MTMR3: variants seen among roughly 807,000 people sequenced by gnomAD.
The protein encoded by MTMR3 is myotubularin related protein 3, also known as phosphatidylinositol-3,5-bisphosphate 3-phosphatase MTMR3.
A neutral mutation model predicts 132.4 loss-of-function variants in MTMR3; 32 were observed. The observed-to-expected ratio is 0.24, with a 90% CI of 0.18 to 0.32. The LOEUF (loss-of-function observed/expected upper bound fraction) is 0.32, where lower values mean the gene tolerates loss of function less well. Among genes scored for constraint, MTMR3 ranks in the 10% least tolerant of loss-of-function variants. The pLI is 1.00. For missense variants in MTMR3, 1,216 were observed against 1,489.6 expected, an observed-to-expected ratio of 0.82 and a Z score of 3.02; for synonymous variants, 556 against 550.3, an observed-to-expected ratio of 1.01 and a Z score of -0.14.
chr22:29,920,194 A>G (rs2065382872), intron 1 of MTMR3, among the ~76,000 whole-genome samples: 1 of 150,762 alleles, frequency 6.6e-6, no homozygotes, highest in African/African-American at 2.4e-5. Flanking sequence ...AGCCTGGGCG[A>G]CAGAGCAAGA....
In MTMR3 at chr22:29,888,550, T is replaced by C. The variant is rs2064724447; in HGVS notation, c.-138+5191T>C. On this transcript the variant is annotated intron_variant, in intron 1 of 19. Transcript: ENST00000401950. ...AATACCTCATAGCTATGTTCTGAAC[T>C]GTTGATTTAATGAACAAAGCACATG... 4.6e-5 allele frequency among the ~76,000 whole-genome samples: 7 copies of C among 152,318 alleles called. No homozygotes were observed. In the South Asian group the frequency reaches 1.2e-3, roughly 27 times the overall value.
At chr22:29,895,672 GT>G (rs1466733422) in intron 1 of MTMR3, among the ~76,000 whole-genome samples, 11 of 152,298 alleles carry the variant, frequency 7.2e-5, no homozygotes, top group African/African-American at 1.9e-4. Context: ...AGGCATTGCA[GT>G]TTTCAGTGCA....
In MTMR3 at chr22:30,026,133, T is replaced by C. The variant is rs2067907123; in HGVS notation, c.*332T>C. 3.8e-6 allele frequency: 1 copy of C among 265,720 alleles called. No homozygotes were observed. The highest frequency in any genetic ancestry group is 2.2e-5 in the African/African-American group (1 of 45,904). The allele number at this position is 265,720 out of a possible 1,614,324, so 16.5% of individuals were successfully genotyped here. ...CCTGCTGTCACGTGACACTGAGGGATGGCTTGTTTCTTCCGGGTGGGAGGA... is the reference window on the plus strand; with the variant it reads ...CCTGCTGTCACGTGACACTGAGGGACGGCTTGTTTCTTCCGGGTGGGAGGA... On this transcript the variant is annotated 3_prime_UTR_variant, in exon 20 of 20. Coordinates refer to ENST00000401950, the MANE Select transcript of MTMR3 (RefSeq NM_021090.4).
At chr22:30,015,741 A>T (rs2067572420) in intron 14 of MTMR3, 1 of 152,200 alleles carries the variant, frequency 6.6e-6, no homozygotes, top group Admixed American at 6.5e-5. Context: ...CACAAAAGCC[A>T]AAGTTCTTAA....
chr22:30,000,150 A>G (rs1362688576), intron 8 of MTMR3: 2 of 152,002 alleles, frequency 1.3e-5, no homozygotes, highest in African/African-American at 4.8e-5. Flanking sequence ...TGATAGTTAA[A>G]TATCTTAAAT....
At chr22:30,005,468 G>A (rs2067255541) in intron 9 of MTMR3, 1 of 152,226 alleles carries the variant, frequency 6.6e-6, no homozygotes, top group South Asian at 2.1e-4. Flanking sequence ...AGAGGAGGAT[G>A]TTCAGGAAAG....
intron 1 of MTMR3, among the ~76,000 whole-genome samples, chr22:29,954,368 G>A (rs2066147797): frequency 6.6e-6 from 1 of 151,980 alleles, no homozygotes; most frequent in Admixed American, 6.5e-5. Context: ...AAGATTATAG[G>A]CATGAGCCAC....
At chr22:29,918,791 T>TA (rs972268026) in intron 1 of MTMR3, among the ~76,000 whole-genome samples, 8 of 152,258 alleles carry the variant, frequency 5.3e-5, no homozygotes, top group African/African-American at 1.9e-4. Context: ...AAGGGAATTT[T>TA]AATGAAATAC....
At chr22:29,975,473 A>G (rs1177967704) in intron 3 of MTMR3, among the ~76,000 whole-genome samples, 2 of 152,238 alleles carry the variant, frequency 1.3e-5, no homozygotes, top group South Asian at 2.1e-4. Flanking sequence ...TTTCTTTGAA[A>G]TATATAAAGA....
In MTMR3 at chr22:29,998,877, G is replaced by T. The variant is rs2067113863; in HGVS notation, c.557+20G>T. The T allele has an allele frequency of 1.3e-6, 2 of 1,568,786 alleles. No individual in the cohort carries two copies. Among genetic ancestry groups the T allele is most frequent in the Admixed American group, 1.7e-5 (1 of 57,340 alleles). ...GTACAAGTGAGTTATATGGGTCCCT[G>T]TGGACTGTTTCACAGCCAGTGCCTT... On this transcript the variant is annotated intron_variant, in intron 8 of 19. Transcript: ENST00000401950.
At chr22:29,917,580 A>C (rs2065332853) in intron 1 of MTMR3, among the ~76,000 whole-genome samples, 1 of 152,216 alleles carries the variant, frequency 6.6e-6, no homozygotes, top group Non-Finnish European at 1.5e-5. Flanking sequence ...TTTTAAAAAA[A>C]AGTGTAATTT....
At chr22:29,997,000 G>A (rs2067075066) in intron 7 of MTMR3, 1 of 152,324 alleles carries the variant, frequency 6.6e-6, no homozygotes, top group African/African-American at 2.4e-5. Context: ...GCCTCCCAAA[G>A]TGCTGGGATT....
At chr22:29,993,059 G>A (rs2066994847) in intron 7 of MTMR3, 1 of 152,182 alleles carries the variant, frequency 6.6e-6, no homozygotes, top group Admixed American at 6.6e-5. Context: ...CCTGACCATG[G>A]TGGATGCTGT....
chr22:29,971,595 G>T (rs1385388663), intron 3 of MTMR3, among the ~76,000 whole-genome samples: 1 of 152,040 alleles, frequency 6.6e-6, no homozygotes, highest in Non-Finnish European at 1.5e-5. Flanking sequence ...TATGCTTTAT[G>T]AATTTATAGA....
In MTMR3 at chr22:30,012,583, A is replaced by T; in HGVS notation, c.1317+20A>T. 6.3e-7 allele frequency: 1 copy of T among 1,581,060 alleles called. No homozygotes were observed. The highest frequency in any genetic ancestry group is 8.6e-7 in the Non-Finnish European group (1 of 1,162,988). On this transcript the variant is annotated intron_variant, in intron 13 of 19. Transcript: ENST00000401950. ...ATAGAGGTGAGCCCATCCAAATGGG[A>T]GGGGTTGGTACTTCAGGATGAGCCA...
chr22:29,934,356 A>G (rs1055297300), intron 1 of MTMR3, among the ~76,000 whole-genome samples: 3 of 152,198 alleles, frequency 2.0e-5, no homozygotes, highest in African/African-American at 4.8e-5. Context: ...TCTGTCTCAA[A>G]GAGAAAAAAA....
chr22:29,976,865 ACT>A (rs911160192), intron 3 of MTMR3, among the ~76,000 whole-genome samples: 3 of 151,716 alleles, frequency 2.0e-5, no homozygotes, highest in Non-Finnish European at 4.4e-5. Flanking sequence ...AAGAAGAAAA[ACT>A]CTTTTTGGGG....
At chr22:29,913,611 C>CT (rs1474221147) in intron 1 of MTMR3, among the ~76,000 whole-genome samples, 1 of 151,990 alleles carries the variant, frequency 6.6e-6, no homozygotes, top group African/African-American at 2.4e-5. Context: ...TAGTATAATG[C>CT]TTTGAGAATC....
intron 7 of MTMR3, chr22:29,994,418 G>A (rs1030547591): frequency 1.4e-5 from 2 of 146,628 alleles, no homozygotes; most frequent in African/African-American, 5.0e-5. Context: ...AAAACACCTC[G>A]AGGACATCCA....
Sources: gnomAD v4.1 joint callset for allele counts (sites outside exome capture counted in the v4.1 genomes callset) on GRCh38, gnomAD v4.1.1 for gene constraint, MANE v1.5 for transcripts, NCBI Gene and HGNC (gene_info 2026-07-23, HGNC 2026-07-21) for gene names.